The following DIAPH3 variants were observed in gnomAD, a reference collection of about 807,000 sequenced individuals.
The protein encoded by DIAPH3 is diaphanous related formin 3.
In DIAPH3, 117 loss-of-function variants were observed where a neutral mutation model predicts 144.3. The ratio of observed to expected loss-of-function variants is 0.81; its 90% CI spans 0.70 to 0.95. The LOEUF (loss-of-function observed/expected upper bound fraction) is 0.95, where lower values mean the gene tolerates loss of function less well. Among genes scored for constraint, DIAPH3 ranks in the 40% least tolerant of loss-of-function variants. The pLI, the probability that DIAPH3 is intolerant of heterozygous loss-of-function variation, is 0.00. For missense variants in DIAPH3, 1,421 were observed against 1,412.7 expected (o/e 1.01, Z -0.09); for synonymous variants, 519 against 488.9 (o/e 1.06, Z -0.81).
At chr13:60,004,281 T>C (rs1173756775) in intron 9 of DIAPH3, among the ~76,000 whole-genome samples, 1 of 152,236 alleles carries the variant, frequency 6.6e-6, no homozygotes, top group Non-Finnish European at 1.5e-5. Context: ...CAAATAGTTT[T>C]ATAGGAAAAT....
At chr13:59,687,677 C>G (rs1040176278) in intron 27 of DIAPH3, among the ~76,000 whole-genome samples, 4 of 151,954 alleles carry the variant, frequency 2.6e-5, no homozygotes, top group African/African-American at 9.7e-5. Context: ...ACAATTATAA[C>G]TTGGTTGCTA....
chr13:59,709,474 GC>G (rs1484149096), intron 27 of DIAPH3, among the ~76,000 whole-genome samples: 6 of 152,122 alleles, frequency 3.9e-5, no homozygotes, highest in African/African-American at 1.2e-4. Flanking sequence ...CATTTATGCA[GC>G]CAAAAAACAC....
intron 24 of DIAPH3, among the ~76,000 whole-genome samples, chr13:59,824,632 T>A (rs2041270092): frequency 1.3e-5 from 2 of 152,144 alleles, no homozygotes. Context: ...GGAAATTAAG[T>A]TACGGGAGAA....
chr13:60,084,152 G>C (rs2057673551), intron 4 of DIAPH3, among the ~76,000 whole-genome samples: 1 of 152,024 alleles, frequency 6.6e-6, no homozygotes, highest in Non-Finnish European at 1.5e-5. Flanking sequence ...TCAAGATGGT[G>C]ATTACTTTTA....
chr13:59,872,345 T>C (rs1206450083), intron 21 of DIAPH3, among the ~76,000 whole-genome samples: 1 of 152,140 alleles, frequency 6.6e-6, no homozygotes, highest in Non-Finnish European at 1.5e-5. Context: ...TTTAAAAAAA[T>C]ACAGAAACTT....
At chr13:59,715,435 T>C (rs574337707) in intron 27 of DIAPH3, among the ~76,000 whole-genome samples, 1 of 152,324 alleles carries the variant, frequency 6.6e-6, no homozygotes, top group East Asian at 1.9e-4. Context: ...GGCATAATTT[T>C]AAGCTTTGAA....
chr13:60,088,564 A>G (rs2057828132), intron 4 of DIAPH3, among the ~76,000 whole-genome samples: 1 of 152,160 alleles, frequency 6.6e-6, no homozygotes, highest in Admixed American at 6.5e-5. Context: ...TGAAAGTAGA[A>G]CGGCAAATAG....
intron 21 of DIAPH3, among the ~76,000 whole-genome samples, chr13:59,871,439 A>G (rs1319143291): frequency 1.3e-5 from 2 of 152,090 alleles, no homozygotes; most frequent in African/African-American, 4.8e-5. Context: ...TTTTATGTAG[A>G]TGTTCTTTAT....
chr13:59,723,209 G>C (rs2035430159), intron 27 of DIAPH3, among the ~76,000 whole-genome samples: 1 of 152,170 alleles, frequency 6.6e-6, no homozygotes, highest in African/African-American at 2.4e-5. Flanking sequence ...GAGCCAAGGT[G>C]TCCAGATTGT....
intron 24 of DIAPH3, among the ~76,000 whole-genome samples, chr13:59,825,935 T>A (rs1236388027): frequency 1.3e-5 from 2 of 152,122 alleles, no homozygotes; most frequent in African/African-American, 4.8e-5. Flanking sequence ...AAAAACCACA[T>A]GATTATCTCA....
At chr13:59,745,996 G>C (rs899827945) in intron 27 of DIAPH3, among the ~76,000 whole-genome samples, 1 of 152,008 alleles carries the variant, frequency 6.6e-6, no homozygotes, top group Non-Finnish European at 1.5e-5. Context: ...CACTCTCAGG[G>C]TGTTCTTTTT....
intron 27 of DIAPH3, among the ~76,000 whole-genome samples, chr13:59,671,861 C>T (rs1223552258): frequency 6.6e-6 from 1 of 151,970 alleles, no homozygotes; most frequent in African/African-American, 2.4e-5. Context: ...ATACTGATAC[C>T]CACTGGACTT....
At chr13:59,823,843 C>A (rs9598058) in intron 24 of DIAPH3, among the ~76,000 whole-genome samples, 7,859 of 152,074 alleles carry the variant, frequency 0.052, 264 homozygotes, top group Non-Finnish European at 0.073. Flanking sequence ...CTAAAAATAC[C>A]CTCTGACTGG....
At chr13:60,099,628 G>A (rs1177367846) in intron 3 of DIAPH3, among the ~76,000 whole-genome samples, 2 of 152,118 alleles carry the variant, frequency 1.3e-5, no homozygotes, top group South Asian at 2.1e-4. Flanking sequence ...TCGAAAAATC[G>A]TTAAATCGAA....
intron 21 of DIAPH3, among the ~76,000 whole-genome samples, chr13:59,868,280 A>G (rs2139981846): frequency 6.6e-6 from 1 of 152,308 alleles, no homozygotes; most frequent in East Asian, 1.9e-4. Flanking sequence ...AGAATTTCTC[A>G]TGGGAACAAT....
At chr13:60,085,733 T>C (rs1042408269) in intron 4 of DIAPH3, among the ~76,000 whole-genome samples, 1 of 152,164 alleles carries the variant, frequency 6.6e-6, no homozygotes, top group Non-Finnish European at 1.5e-5. Flanking sequence ...TTCAGAAGTG[T>C]TCCTTCTTTT....
intron 4 of DIAPH3, among the ~76,000 whole-genome samples, chr13:60,088,071 G>A (rs191120172): frequency 3.3e-5 from 5 of 152,224 alleles, no homozygotes; most frequent in Admixed American, 3.3e-4. Context: ...AAAAGTAAGG[G>A]GTGGGGCACG....
chr13:59,699,187 A>G (rs1255368161), intron 27 of DIAPH3, among the ~76,000 whole-genome samples: 2 of 152,226 alleles, frequency 1.3e-5, no homozygotes, highest in African/African-American at 4.8e-5. Flanking sequence ...GGCAGTGTCA[A>G]CATGCTGAGG....
chr13:59,758,872 T>C (rs1256355780), intron 27 of DIAPH3, among the ~76,000 whole-genome samples: 1 of 151,634 alleles, frequency 6.6e-6, no homozygotes, highest in Non-Finnish European at 1.5e-5. Flanking sequence ...CTTAACCTGT[T>C]GGGCTTGAGT....
Sources: gnomAD v4.1 joint callset for allele counts (sites outside exome capture counted in the v4.1 genomes callset) on GRCh38, gnomAD v4.1.1 for gene constraint, MANE v1.5 for transcripts, NCBI Gene and HGNC (gene_info 2026-07-23, HGNC 2026-07-21) for gene names.